Variants in PRR11 observed in about 807,000 individuals in gnomAD.
The protein encoded by PRR11 is proline-rich protein 11.
A neutral mutation model predicts 45.6 loss-of-function variants in PRR11; 30 were observed. The observed-to-expected ratio is 0.66, with a 90% CI of 0.49 to 0.89. The LOEUF (loss-of-function observed/expected upper bound fraction) is 0.89, where lower values mean the gene tolerates loss of function less well. PRR11 is among the 40% of genes least tolerant of loss of function. The pLI is 0.00. For missense variants in PRR11, 373 were observed against 424.8 expected (o/e 0.88, Z 1.07); for synonymous variants, 128 against 153.5 (o/e 0.83, Z 1.23).
At chr17:59,177,389 A>T (rs2046753780) in intron 2 of PRR11, 3 of 500,632 alleles carry the variant, frequency 6.0e-6, no homozygotes, top group African/African-American at 2.0e-5. Flanking sequence ...GACTGTGCTC[A>T]TGTGGAAATT....
At chr17:59,191,722 C>G (rs2046841493) in intron 4 of PRR11, among the ~76,000 whole-genome samples, 2 of 152,080 alleles carry the variant, frequency 1.3e-5, no homozygotes, top group South Asian at 4.1e-4. Context: ...TTTTCAATAT[C>G]CAGAGTGGTT....
At chr17:59,170,081 T>C (rs924136872) in intron 2 of PRR11, among the ~76,000 whole-genome samples, 1 of 152,112 alleles carries the variant, frequency 6.6e-6, no homozygotes, top group Non-Finnish European at 1.5e-5. Flanking sequence ...GGCAAAACCC[T>C]GTCTCTACTA....
chr17:59,171,120 G>A (rs1019988991), intron 2 of PRR11, among the ~76,000 whole-genome samples: 9 of 152,176 alleles, frequency 5.9e-5, no homozygotes, highest in African/African-American at 1.9e-4. Context: ...AAAATTAGCC[G>A]GGCGCGGTGG....
chr17:59,180,312 G>A (rs1261225806), intron 2 of PRR11, among the ~76,000 whole-genome samples: 3 of 150,192 alleles, frequency 2.0e-5, no homozygotes, highest in African/African-American at 7.4e-5. Flanking sequence ...TGTTCTTTTA[G>A]TAGGGATGGG....
intron 4 of PRR11, among the ~76,000 whole-genome samples, chr17:59,189,689 A>AATTAT (rs1407941344): frequency 6.6e-6 from 1 of 152,218 alleles, no homozygotes; most frequent in Non-Finnish European, 1.5e-5. Context: ...AAAAAAATTA[A>AATTAT]ATTAAACATA....
intron 2 of PRR11, chr17:59,181,395 A>G: frequency 2.6e-6 from 2 of 777,888 alleles, no homozygotes; most frequent in Admixed American, 2.2e-5. Flanking sequence ...GTCCTCCCGC[A>G]TGGAGAGCTC....
intron 6 of PRR11, among the ~76,000 whole-genome samples, chr17:59,195,121 T>C (rs1424632101): frequency 1.3e-5 from 2 of 152,168 alleles, no homozygotes; most frequent in Non-Finnish European, 2.9e-5. Context: ...AATGTATATA[T>C]TAGGAAATGA....
intron 1 of PRR11, among the ~76,000 whole-genome samples, chr17:59,156,975 C>T (rs1599687047): frequency 6.6e-6 from 1 of 152,286 alleles, no homozygotes; most frequent in East Asian, 1.9e-4. Context: ...GAAGCAGCAG[C>T]GCCAACTCCT....
rs1462808949 is a variant in PRR11, at chr17:59,206,192, C to A, written c.*4561C>A. On this transcript the variant is annotated 3_prime_UTR_variant, in exon 10 of 10. Coordinates refer to ENST00000262293, the MANE Select transcript of PRR11 (RefSeq NM_018304.4). ...AACAAGCCTGGGCAACACTGCAAGA[C>A]CCCAACTCTACAAAAAACGAAAAAT... 6.6e-6 allele frequency among the ~76,000 whole-genome samples: 1 copy of A among 152,072 alleles called. No individual in the cohort carries two copies. Among genetic ancestry groups the A allele is most frequent in the East Asian group, 1.9e-4 (1 of 5,188 alleles).
intron 4 of PRR11, among the ~76,000 whole-genome samples, chr17:59,190,972 A>AGCTCT (rs2046838082): frequency 6.6e-6 from 1 of 152,202 alleles, no homozygotes; most frequent in Admixed American, 6.5e-5. Flanking sequence ...CCACTTCAGA[A>AGCTCT]GCTCTGCTCT....
chr17:59,187,535 A>G (rs1028388441), intron 4 of PRR11, among the ~76,000 whole-genome samples: 5 of 151,490 alleles, frequency 3.3e-5, no homozygotes, highest in Non-Finnish European at 5.9e-5. Flanking sequence ...GCATCACTGC[A>G]CTCCAGCTTG....
In PRR11 at chr17:59,205,074, A is replaced by C; in HGVS notation, c.*3443A>C. ...GCTTTGCTACATAATGAGGCCAGGC[A>C]AAAAAAAAAAAGTCCTGTGGAAATC... On this transcript the variant is annotated 3_prime_UTR_variant, in exon 10 of 10. Coordinates refer to ENST00000262293, the MANE Select transcript of PRR11 (RefSeq NM_018304.4). Among the ~76,000 whole-genome samples the C allele has an allele frequency of 6.9e-6, 1 of 145,782 alleles. No individual in the cohort carries two copies. Among genetic ancestry groups the C allele is most frequent in the Non-Finnish European group, 1.5e-5 (1 of 65,746 alleles).
intron 2 of PRR11, among the ~76,000 whole-genome samples, chr17:59,171,427 CAT>C (rs983410341): frequency 6.6e-6 from 1 of 151,988 alleles, no homozygotes; most frequent in Non-Finnish European, 1.5e-5. Context: ...TATTAAGTAT[CAT>C]AGATAAAAGG....
At position 59,193,588 on chromosome 17, in the gene PRR11, G is replaced by A; in HGVS notation, c.499G>A (p.Gly167Arg). The change falls in exon 5 of 10, where the codon GGA (glycine) becomes AGA (arginine). Residue 167 changes from glycine (G) to arginine (R), a missense_variant. By Grantham distance (125) the Gly-to-Arg change is moderately radical. Transcript: ENST00000262293. ...NVPACVLITP[G>R]DSKAVLPPTL... The stretch of plus-strand genomic sequence containing the variant: ...GCCTGCCTGCGTTCTGATCACCCCT[G>A]GAGACTCCAAAGCTGTGCTTCCTCC... The A allele has an allele frequency of 6.2e-7, 1 of 1,614,126 alleles. No individual in the cohort carries two copies. The highest frequency in any genetic ancestry group is 1.1e-5 in the South Asian group (1 of 91,078).
intron 2 of PRR11, chr17:59,181,375 T>C: frequency 1.6e-6 from 1 of 642,808 alleles, no homozygotes; most frequent in South Asian, 1.6e-5. Flanking sequence ...TCATGAGTGA[T>C]CACTTCTGAG....
chr17:59,201,045 A>G (rs1269910266), intron 9 of PRR11, among the ~76,000 whole-genome samples: 2 of 152,078 alleles, frequency 1.3e-5, no homozygotes, highest in Admixed American at 6.6e-5. Flanking sequence ...TGGCACACCC[A>G]TCACCCAGCC....
At chr17:59,200,058 T>TA (rs1355135733) in intron 9 of PRR11, among the ~76,000 whole-genome samples, 3 of 152,142 alleles carry the variant, frequency 2.0e-5, no homozygotes, top group African/African-American at 7.2e-5. Context: ...TGGAAATGGA[T>TA]AAACGATAAT....
At chr17:59,200,537 G>A (rs1175728216) in intron 9 of PRR11, among the ~76,000 whole-genome samples, 1 of 151,958 alleles carries the variant, frequency 6.6e-6, no homozygotes, top group African/African-American at 2.4e-5. Context: ...CTGTCGCCCA[G>A]GCTGGAGTAC....
At chr17:59,175,277 G>A in intron 2 of PRR11, 2 of 270,682 alleles carry the variant, frequency 7.4e-6, no homozygotes, top group South Asian at 8.4e-5. Context: ...GGAGGGCCCT[G>A]ATTGTCAGAG....
Sources: gnomAD v4.1 joint callset for allele counts (sites outside exome capture counted in the v4.1 genomes callset) on GRCh38, gnomAD v4.1.1 for gene constraint, MANE v1.5 for transcripts, NCBI Gene and HGNC (gene_info 2026-07-23, HGNC 2026-07-21) for gene names.